PALM2AKAP2: variants seen among roughly 807,000 people sequenced by gnomAD.
PALM2AKAP2 encodes the protein PALM2 and AKAP2 fusion, also known as PALM2-AKAP2 fusion protein.
In PALM2AKAP2, 37 loss-of-function variants were observed where a neutral mutation model predicts 71.5. That is an observed-to-expected ratio of 0.52 (90% CI 0.40 to 0.68). The LOEUF is 0.68. Ranked by LOEUF, PALM2AKAP2 falls within the 30% of genes least tolerant of loss-of-function variation. The probability of loss-of-function intolerance (pLI) is 0.00; values close to 1 mark genes in which losing one functional copy is unlikely to be tolerated. For synonymous variants in PALM2AKAP2, 468 were observed against 478.8 expected, an observed-to-expected ratio of 0.98 and a Z score of 0.29; for missense variants, 1,224 against 1,191.8, an observed-to-expected ratio of 1.03 and a Z score of -0.40.
intron 5 of PALM2AKAP2, among the ~76,000 whole-genome samples, chr9:109,926,278 T>A (rs1304322247): frequency 2.0e-5 from 3 of 152,212 alleles, no homozygotes; most frequent in Non-Finnish European, 4.4e-5. Context: ...CTGTGATTTT[T>A]AATTTTTTTT....
intron 1 of PALM2AKAP2, among the ~76,000 whole-genome samples, chr9:109,819,543 C>G (rs867280352): frequency 6.6e-6 from 1 of 152,062 alleles, no homozygotes; most frequent in South Asian, 2.1e-4. Context: ...TTTACCTTAT[C>G]ATTTTCTTTT....
At chr9:109,987,140 C>CT (rs964553595) in intron 6 of PALM2AKAP2, among the ~76,000 whole-genome samples, 13 of 151,722 alleles carry the variant, frequency 8.6e-5, no homozygotes, top group African/African-American at 2.4e-4. Context: ...CTTTTCTTTT[C>CT]TTTTTTTTGA....
At chr9:110,069,229 G>A (rs1834153574) in intron 1 of PALM2AKAP2, among the ~76,000 whole-genome samples, 1 of 152,272 alleles carries the variant, frequency 6.6e-6, no homozygotes, top group East Asian at 1.9e-4. Flanking sequence ...CTGCTGTTAC[G>A]AATTAAGTTC....
intron 1 of PALM2AKAP2, among the ~76,000 whole-genome samples, chr9:110,093,465 T>C (rs1834762958): frequency 1.3e-5 from 2 of 152,186 alleles, no homozygotes; most frequent in South Asian, 4.1e-4. Flanking sequence ...ATACCAGAGA[T>C]TGGCAATTGA....
At chr9:110,152,785 A>T (rs1311069806) in intron 2 of PALM2AKAP2, among the ~76,000 whole-genome samples, 2 of 152,162 alleles carry the variant, frequency 1.3e-5, no homozygotes, top group Non-Finnish European at 2.9e-5. Context: ...AGCCTGTGTG[A>T]TTCCTAAGAT....
chr9:109,652,375 A>C (rs1004650453), intron 1 of PALM2AKAP2, among the ~76,000 whole-genome samples: 3 of 151,276 alleles, frequency 2.0e-5, no homozygotes, highest in African/African-American at 7.3e-5. Flanking sequence ...AGAGCCTGGC[A>C]CCTCCTCCCC....
At chr9:109,882,550 TAGAG>T (rs956427596) in intron 3 of PALM2AKAP2, among the ~76,000 whole-genome samples, 1 of 151,994 alleles carries the variant, frequency 6.6e-6, no homozygotes, top group Non-Finnish European at 1.5e-5. Flanking sequence ...CATATATATA[TAGAG>T]AGAGAGTAGG....
intron 1 of PALM2AKAP2, among the ~76,000 whole-genome samples, chr9:109,754,278 A>G (rs987330151): frequency 3.9e-5 from 6 of 152,206 alleles, no homozygotes; most frequent in Non-Finnish European, 7.4e-5. Flanking sequence ...TACAAAGTAG[A>G]ACTTATATTA....
intron 6 of PALM2AKAP2, among the ~76,000 whole-genome samples, chr9:110,014,322 C>T (rs1033995459): frequency 6.6e-6 from 1 of 152,082 alleles, no homozygotes; most frequent in Non-Finnish European, 1.5e-5. Context: ...CTTTTTAATA[C>T]ATTAGGTTAT....
At chr9:109,840,900 A>G (rs1828643409) in intron 1 of PALM2AKAP2, among the ~76,000 whole-genome samples, 2 of 152,234 alleles carry the variant, frequency 1.3e-5, no homozygotes, top group African/African-American at 4.8e-5. Flanking sequence ...AGAAATAGGA[A>G]CACTTTTACA....
At chr9:109,745,221 A>G (rs911004246) in intron 1 of PALM2AKAP2, among the ~76,000 whole-genome samples, 2 of 152,084 alleles carry the variant, frequency 1.3e-5, no homozygotes, top group African/African-American at 2.4e-5. Flanking sequence ...GCATGGTGGC[A>G]CAAGTCTGTC....
chr9:110,090,815 A>AT (rs968781952), intron 1 of PALM2AKAP2, among the ~76,000 whole-genome samples: 72 of 152,184 alleles, frequency 4.7e-4, no homozygotes, highest in African/African-American at 1.6e-3. Context: ...GTTCTCTGGG[A>AT]TTTTTTTACC....
At chr9:110,048,098 C>G (rs1455734513), upstream of PALM2AKAP2, among the ~76,000 whole-genome samples, 2 of 152,194 alleles carry the variant, frequency 1.3e-5, no homozygotes. Flanking sequence ...CCTCTGAACC[C>G]CATCGGGGGA....
intron 1 of PALM2AKAP2, among the ~76,000 whole-genome samples, chr9:109,697,630 T>C (rs1827991319): frequency 6.6e-6 from 1 of 152,164 alleles, no homozygotes; most frequent in South Asian, 2.1e-4. Flanking sequence ...CCCTTAGGAA[T>C]AAATTACATT....
intron 1 of PALM2AKAP2, among the ~76,000 whole-genome samples, chr9:109,649,862 C>G (rs143965311): frequency 0.016 from 2,457 of 152,266 alleles, 68 homozygotes; most frequent in African/African-American, 0.051. Context: ...AGAGAGTGAG[C>G]AGATCATTCA....
rs1227076345 is a variant in PALM2AKAP2 at position 109,867,487 on chromosome 9, C to G, written c.46-4C>G. On this transcript the variant is annotated splice_polypyrimidine_tract_variant and splice_region_variant and intron_variant, in intron 1 of 9. Coordinates refer to the PALM2AKAP2 transcript ENST00000302798. ...CTTACAGCCTCTGTCTCTTTATTTT[C>G]AAGGAAAAAAGAAAGAGGCAGACTG... is the stretch of plus-strand genomic sequence containing the variant. 1.9e-6 allele frequency: 3 copies of G among 1,610,300 alleles called. No individual in the cohort carries two copies. Among genetic ancestry groups the G allele is most frequent in the Non-Finnish European group, 2.5e-6 (3 of 1,178,974 alleles).
At chr9:110,127,205 C>T (rs988647196) in intron 1 of PALM2AKAP2, among the ~76,000 whole-genome samples, 11 of 152,214 alleles carry the variant, frequency 7.2e-5, no homozygotes, top group Admixed American at 6.5e-4. Flanking sequence ...GCCCTAGTCA[C>T]ATTGAGCTGT....
intron 1 of PALM2AKAP2, among the ~76,000 whole-genome samples, chr9:109,846,257 T>G (rs191112552): frequency 6.6e-6 from 1 of 152,156 alleles, no homozygotes; most frequent in East Asian, 1.9e-4. Flanking sequence ...GGAAAGAAGC[T>G]CATGGCACCA....
intron 1 of PALM2AKAP2, among the ~76,000 whole-genome samples, chr9:109,698,789 C>T (rs549538392): frequency 8.1e-4 from 124 of 152,180 alleles, no homozygotes; most frequent in Admixed American, 1.6e-3. Flanking sequence ...TTTAATGATT[C>T]CTGTGATGTG....
Sources: gnomAD v4.1 joint callset for allele counts (sites outside exome capture counted in the v4.1 genomes callset) on GRCh38, gnomAD v4.1.1 for gene constraint, MANE v1.5 for transcripts, NCBI Gene and HGNC (gene_info 2026-07-23, HGNC 2026-07-21) for gene names.